The following EXOC6B variants were observed in gnomAD, a reference collection of about 807,000 sequenced individuals.
EXOC6B encodes the protein SEC15 homolog B.
EXOC6B carries 54 observed loss-of-function variants against 113.5 expected under a neutral mutation model. The ratio of observed to expected loss-of-function variants is 0.48; its 90% CI spans 0.38 to 0.60. The LOEUF (loss-of-function observed/expected upper bound fraction) is 0.60, where lower values mean the gene tolerates loss of function less well. EXOC6B is among the 20% of genes least tolerant of loss of function. The pLI, the probability that EXOC6B is intolerant of heterozygous loss-of-function variation, is 0.00. For missense variants in EXOC6B, 797 were observed against 977.5 expected, an observed-to-expected ratio of 0.82 and a Z score of 2.46; for synonymous variants, 357 against 339.0, an observed-to-expected ratio of 1.05 and a Z score of -0.58.
At chr2:72,348,115 C>T (rs938039201) in intron 19 of EXOC6B, among the ~76,000 whole-genome samples, 7 of 152,082 alleles carry the variant, frequency 4.6e-5, no homozygotes, top group Admixed American at 3.3e-4. Flanking sequence ...AGTGTCTAGT[C>T]GGACCTGCGT....
chr2:72,497,238 G>A (rs987199198), intron 13 of EXOC6B, among the ~76,000 whole-genome samples: 1 of 151,972 alleles, frequency 6.6e-6, no homozygotes, highest in African/African-American at 2.4e-5. Context: ...CTCCCAAAGT[G>A]CTGGGATTAC....
At chr2:72,305,838 T>A (rs952704487) in intron 20 of EXOC6B, among the ~76,000 whole-genome samples, 5 of 152,242 alleles carry the variant, frequency 3.3e-5, no homozygotes, top group African/African-American at 1.2e-4. Flanking sequence ...TAATTTTATG[T>A]TTGCTAAAAC....
At chr2:72,374,895 G>T (rs1691259172) in intron 19 of EXOC6B, among the ~76,000 whole-genome samples, 1 of 150,570 alleles carries the variant, frequency 6.6e-6, no homozygotes, top group Non-Finnish European at 1.5e-5. Context: ...TTGTCACACT[G>T]AATAAAAAAG....
intron 6 of EXOC6B, among the ~76,000 whole-genome samples, chr2:72,613,767 G>A (rs894741822): frequency 2.6e-5 from 4 of 151,770 alleles, no homozygotes; most frequent in African/African-American, 9.7e-5. Context: ...AATCTAAAAG[G>A]TCCAAAATTA....
chr2:72,668,928 G>C (rs1034864082), intron 6 of EXOC6B, among the ~76,000 whole-genome samples: 1 of 151,884 alleles, frequency 6.6e-6, no homozygotes, highest in East Asian at 1.9e-4. Flanking sequence ...AATAAAAGTT[G>C]AACAAAAAAA....
At chr2:72,554,151 G>T (rs768413976) in intron 8 of EXOC6B, among the ~76,000 whole-genome samples, 1 of 152,138 alleles carries the variant, frequency 6.6e-6, no homozygotes, top group Non-Finnish European at 1.5e-5. Context: ...AAAGAGGACT[G>T]ATAATTAACA....
intron 18 of EXOC6B, among the ~76,000 whole-genome samples, chr2:72,383,508 G>C (rs948380827): frequency 1.3e-5 from 2 of 151,926 alleles, no homozygotes; most frequent in Non-Finnish European, 2.9e-5. Context: ...ACAGACACTG[G>C]CAAGGTTGCA....
At chr2:72,754,093 C>T (rs1462547500) in intron 1 of EXOC6B, among the ~76,000 whole-genome samples, 1 of 151,990 alleles carries the variant, frequency 6.6e-6, no homozygotes, top group African/African-American at 2.4e-5. Context: ...CACTATGTTG[C>T]CTGGGATGGT....
intron 15 of EXOC6B, among the ~76,000 whole-genome samples, chr2:72,493,867 C>T (rs182175583): frequency 1.1e-4 from 16 of 152,098 alleles, no homozygotes; most frequent in African/African-American, 2.7e-4. Flanking sequence ...CTGAATGCAG[C>T]GGTTTCTCTT....
intron 20 of EXOC6B, among the ~76,000 whole-genome samples, chr2:72,306,681 A>G (rs1329744295): frequency 2.0e-5 from 3 of 152,082 alleles, no homozygotes; most frequent in African/African-American, 4.8e-5. Context: ...GGTCAGTTTT[A>G]TGACCCTCGT....
intron 18 of EXOC6B, among the ~76,000 whole-genome samples, chr2:72,384,690 T>C (rs1226725920): frequency 1.3e-5 from 2 of 151,890 alleles, no homozygotes; most frequent in East Asian, 1.9e-4. Context: ...AAAATAAACA[T>C]GCAAATATCA....
At position 72,695,514 on chromosome 2, in the gene EXOC6B, C is replaced by T. The variant is rs570043984; in HGVS notation, c.669+22589G>A. Reference sequence around the variant, plus strand: ...AACAGAGAAACCAAAGAAAAGTTGTCATTGATACTTTTTTCAAAAAAAGAA... The same window carrying T: ...AACAGAGAAACCAAAGAAAAGTTGTTATTGATACTTTTTTCAAAAAAAGAA... On this transcript the variant is annotated intron_variant, in intron 6 of 21. Transcript: ENST00000272427. Among the ~76,000 whole-genome samples, 6 of 151,908 alleles carry T rather than the reference C, an allele frequency of 3.9e-5. No individual in the cohort carries two copies. In the South Asian group the frequency reaches 1.2e-3, roughly 32 times the overall value.
intron 6 of EXOC6B, among the ~76,000 whole-genome samples, chr2:72,595,293 A>C (rs892982080): frequency 1.4e-5 from 2 of 145,922 alleles, no homozygotes; most frequent in African/African-American, 5.0e-5. Context: ...AGATATATAT[A>C]TCTATATATA....
At chr2:72,696,130 AACTAT>A (rs1180363794) in intron 6 of EXOC6B, among the ~76,000 whole-genome samples, 7 of 152,236 alleles carry the variant, frequency 4.6e-5, no homozygotes, top group East Asian at 1.9e-4. Context: ...ACAGAATTCA[AACTAT>A]ACTATACTGG....
chr2:72,586,323 T>C (rs1015019825), intron 6 of EXOC6B, among the ~76,000 whole-genome samples: 4 of 152,146 alleles, frequency 2.6e-5, no homozygotes, highest in African/African-American at 4.8e-5. Context: ...ACATACAGAA[T>C]GGGAGAAAAT....
At chr2:72,521,924 G>A (rs928347167) in intron 8 of EXOC6B, among the ~76,000 whole-genome samples, 3 of 152,224 alleles carry the variant, frequency 2.0e-5, no homozygotes, top group Non-Finnish European at 2.9e-5. Flanking sequence ...TCTCAATCTC[G>A]TGACCTTGTG....
intron 19 of EXOC6B, among the ~76,000 whole-genome samples, chr2:72,336,628 T>A (rs1688706509): frequency 6.6e-6 from 1 of 152,230 alleles, no homozygotes; most frequent in Admixed American, 6.5e-5. Context: ...TACTAAAGTT[T>A]CTATTTGCTT....
chr2:72,786,384 G>A (rs891173398), intron 1 of EXOC6B, among the ~76,000 whole-genome samples: 1 of 152,106 alleles, frequency 6.6e-6, no homozygotes, highest in Non-Finnish European at 1.5e-5. Flanking sequence ...TTCACACTGA[G>A]GATAAAACAA....
intron 6 of EXOC6B, among the ~76,000 whole-genome samples, chr2:72,617,511 T>C (rs1457573259): frequency 7.5e-6 from 1 of 133,722 alleles, no homozygotes; most frequent in African/African-American, 2.6e-5. Context: ...AGCTCAAATC[T>C]TTTTTCTTTT....
Sources: gnomAD v4.1 joint callset for allele counts (sites outside exome capture counted in the v4.1 genomes callset) on GRCh38, gnomAD v4.1.1 for gene constraint, MANE v1.5 for transcripts, NCBI Gene and HGNC (gene_info 2026-07-23, HGNC 2026-07-21) for gene names.